RANGAP1: variants seen among roughly 807,000 people sequenced by gnomAD.
RANGAP1 encodes the protein ran GTPase-activating protein 1.
RANGAP1 carries 38 observed loss-of-function variants against 63.5 expected under a neutral mutation model. The ratio of observed to expected loss-of-function variants is 0.60; its 90% CI spans 0.46 to 0.78. RANGAP1 has a LOEUF of 0.78. Ranked by LOEUF, RANGAP1 falls within the 30% of genes least tolerant of loss-of-function variation. The pLI, the probability that RANGAP1 is intolerant of heterozygous loss-of-function variation, is 0.00. For missense variants in RANGAP1, 630 were observed against 740.3 expected (o/e 0.85, Z 1.73); for synonymous variants, 329 against 310.5 (o/e 1.06, Z -0.63).
intron 1 of RANGAP1, chr22:41,285,678 C>A (rs988460075): frequency 1.0e-6 from 1 of 985,374 alleles, no homozygotes; most frequent in Non-Finnish European, 1.2e-6. Flanking sequence ...CATCTGGAAT[C>A]CCCGGCGGAC....
chr22:41,270,289 C>T (rs9611530), intron 3 of RANGAP1, among the ~76,000 whole-genome samples: 2 of 151,696 alleles, frequency 1.3e-5, no homozygotes, highest in Non-Finnish European at 1.5e-5. Flanking sequence ...TACAGGCACC[C>T]GCCACCGCGC....
chr22:41,282,705 G>A (rs1165802748), intron 1 of RANGAP1, among the ~76,000 whole-genome samples: 1 of 152,180 alleles, frequency 6.6e-6, no homozygotes, highest in East Asian at 1.9e-4. Flanking sequence ...TGGAGTACAT[G>A]TGAGATTAAA....
chr22:41,262,010 G>C (rs1390377486), intron 5 of RANGAP1, among the ~76,000 whole-genome samples: 1 of 152,134 alleles, frequency 6.6e-6, no homozygotes, highest in East Asian at 1.9e-4. Flanking sequence ...ACTTTCTTAT[G>C]GTCAATAAAC....
In RANGAP1 at chr22:41,257,968, C is replaced by A; in HGVS notation, c.754G>T (p.Gly252Cys). 1 of 1,610,566 alleles carries A rather than the reference C, an allele frequency of 6.2e-7. No homozygotes were observed. Among genetic ancestry groups the A allele is most frequent in the Non-Finnish European group, 8.5e-7 (1 of 1,177,696 alleles). ...NLNDNTFTEK[G>C]AVAMAETLKT... ...CTCACCTCGGCCATGGCCACGGCGCCCTTCTCAGTGAAGGTGTTGTCATTC... is the reference window on the plus strand; with the variant it reads ...CTCACCTCGGCCATGGCCACGGCGCACTTCTCAGTGAAGGTGTTGTCATTC... Residue 252 changes from glycine (G) to cysteine (C), a missense_variant, in exon 7 of 16, where the codon GGC (glycine) becomes TGC (cysteine). Around this residue, in one of 3 missense-constraint regions of RANGAP1, gnomAD observed 428 missense variants for 465.5 expected, o/e 0.92. Coordinates refer to ENST00000356244, the MANE Select transcript of RANGAP1 (RefSeq NM_002883.4). This position sits in a 1 kb window ranked among gnomAD's most constrained non-coding sequence, Gnocchi z 4.0.
intron 5 of RANGAP1, among the ~76,000 whole-genome samples, chr22:41,264,383 C>T (rs2034343500): frequency 6.6e-6 from 1 of 152,202 alleles, no homozygotes; most frequent in Non-Finnish European, 1.5e-5. Flanking sequence ...ATAGGGATGC[C>T]CCAAGCCCTG....
rs2033933145 is a variant in RANGAP1, at chr22:41,257,829, C to T, written c.774+119G>A. On this transcript the variant is annotated intron_variant, in intron 7 of 15. Coordinates refer to ENST00000356244, the MANE Select transcript of RANGAP1 (RefSeq NM_002883.4). The surrounding 1 kb of genome is among the most constrained non-coding windows in gnomAD (Gnocchi z 4.0). The stretch of plus-strand genomic sequence containing the variant: ...AAGAGCTGGAGCCATGGGGCACACA[C>T]CCAGGGGGCAGGCAGGGGGTAGAGG... 1 of 1,267,692 alleles carries T rather than the reference C, an allele frequency of 7.9e-7. No homozygotes were observed. Among genetic ancestry groups the T allele is most frequent in the Non-Finnish European group, 1.1e-6 (1 of 937,678 alleles). The allele number at this position is 1,267,692 out of a possible 1,614,324, so 78.5% of individuals were successfully genotyped here.
intron 10 of RANGAP1, chr22:41,254,723 A>G (rs1439759666): frequency 1.8e-5 from 16 of 878,606 alleles, no homozygotes; most frequent in African/African-American, 3.7e-5. Flanking sequence ...CTGTAATCCC[A>G]GCACTTTGGG....
At chr22:41,283,249 G>A (rs529858368) in intron 1 of RANGAP1, among the ~76,000 whole-genome samples, 17 of 151,598 alleles carry the variant, frequency 1.1e-4, no homozygotes, top group African/African-American at 3.1e-4. Flanking sequence ...GGTGGTTCAC[G>A]GCTGTAATCT....
At chr22:41,260,769 G>A (rs985568207) in intron 6 of RANGAP1, among the ~76,000 whole-genome samples, 4 of 152,102 alleles carry the variant, frequency 2.6e-5, no homozygotes, top group Non-Finnish European at 5.9e-5. Flanking sequence ...GCTTGAACCT[G>A]GGAGGCGGAG....
chr22:41,258,876 A>G (rs1252129509), intron 6 of RANGAP1, among the ~76,000 whole-genome samples: 1 of 152,032 alleles, frequency 6.6e-6, no homozygotes, highest in African/African-American at 2.4e-5. Context: ...GCTGGTCTTG[A>G]ACTCCTGACC....
At chr22:41,247,157 G>A (rs909592522) in intron 15 of RANGAP1, among the ~76,000 whole-genome samples, 6 of 151,904 alleles carry the variant, frequency 3.9e-5, no homozygotes, top group East Asian at 1.9e-4. Flanking sequence ...CCGAGTTCAC[G>A]CCATTCTCCT....
At chr22:41,293,760 C>CAAAAAA in the RANGAP1 span, among the ~76,000 whole-genome samples, 5 of 54,732 alleles carry the variant, frequency 9.1e-5, no homozygotes, top group Admixed American at 6.8e-4. Context: ...GACTCTGTCT[C>CAAAAAA]AAAAAAAAAA....
At position 41,245,483 on chromosome 22, in the gene RANGAP1, AGGCCGG is replaced by A. The variant is rs2032968184; in HGVS notation, c.*1114_*1119del. 1 of 152,300 alleles carries A rather than the reference AGGCCGG, an allele frequency of 6.6e-6. No homozygotes were observed. Among genetic ancestry groups the A allele is most frequent in the Admixed American group, 6.5e-5 (1 of 15,290 alleles). 9.4% of individuals were successfully genotyped at this position (152,300 alleles called of 1,614,324 possible). ...CTTCCCAGGTAGTGGCCTGAGGCCG[AGGCCGG>A]GCCCTTCTGCAGGGCTGACTGCCCC... On this transcript the variant is annotated 3_prime_UTR_variant, in exon 16 of 16. Coordinates refer to ENST00000356244, the MANE Select transcript of RANGAP1 (RefSeq NM_002883.4).
the RANGAP1 span, among the ~76,000 whole-genome samples, chr22:41,295,136 C>G: frequency 1.5e-5 from 2 of 136,152 alleles, no homozygotes; most frequent in African/African-American, 6.6e-5. Flanking sequence ...CGCCTCTGCC[C>G]GGCCGCCCCT....
chr22:41,290,715 T>C (rs2035829182), upstream of RANGAP1, among the ~76,000 whole-genome samples: 1 of 152,218 alleles, frequency 6.6e-6, no homozygotes, highest in African/African-American at 2.4e-5. Context: ...CTTAACTGAG[T>C]GTTTTAAATT....
At chr22:41,254,643 G>A in intron 10 of RANGAP1, 149 bp from the exon 11 acceptor site, 1 of 1,479,806 alleles carries the variant, frequency 6.8e-7, no homozygotes, top group South Asian at 1.4e-5. Context: ...GGCAGGGGCA[G>A]GTGGATCACC....
At chr22:41,267,884 C>G (rs1408502993) in intron 4 of RANGAP1, among the ~76,000 whole-genome samples, 5 of 152,150 alleles carry the variant, frequency 3.3e-5, no homozygotes. Flanking sequence ...AGTCCCCACC[C>G]TTAGGGTTCC....
intron 2 of RANGAP1, among the ~76,000 whole-genome samples, chr22:41,276,192 G>A (rs1217163632): frequency 1.3e-5 from 2 of 152,140 alleles, no homozygotes; most frequent in African/African-American, 2.4e-5. Flanking sequence ...CATAAAACAA[G>A]GTCTAGAAAC....
intron 3 of RANGAP1, among the ~76,000 whole-genome samples, chr22:41,273,326 A>G (rs1485068525): frequency 1.3e-5 from 2 of 152,146 alleles, no homozygotes; most frequent in East Asian, 1.9e-4. Context: ...ACATCTCCCA[A>G]CGCTTTGAAC....
Sources: allele counts gnomAD v4.1 joint callset (sites outside exome capture counted in the v4.1 genomes callset), GRCh38; gene constraint gnomAD v4.1.1; regional missense constraint gnomAD v4.1.1; non-coding constraint Gnocchi (gnomAD v3.1); transcripts MANE v1.5; gene names NCBI Gene and HGNC (gene_info 2026-07-23, HGNC 2026-07-21).